Variants in MSR1 observed in about 807,000 individuals in gnomAD.
MSR1 encodes the protein macrophage scavenger receptor 1, also known as macrophage scavenger receptor types I and II.
MSR1 carries 53 observed loss-of-function variants against 47.2 expected under a neutral mutation model. The ratio of observed to expected loss-of-function variants is 1.12; its 90% CI spans 0.90 to 1.41. MSR1 has a LOEUF of 1.41. MSR1 is among the 40% of genes most tolerant of loss of function. The pLI, the probability that MSR1 is intolerant of heterozygous loss-of-function variation, is 0.00. For missense variants in MSR1, 786 were observed against 546.9 expected, an observed-to-expected ratio of 1.44 and a Z score of -4.36; for synonymous variants, 239 against 185.6, an observed-to-expected ratio of 1.29 and a Z score of -2.34.
chr8:16,145,401 T>C lies in MSR1; in HGVS notation c.980-1790A>G, dbSNP rs574515508. Among the ~76,000 whole-genome samples, 16 of 152,206 alleles carry C rather than the reference T, an allele frequency of 1.1e-4. 1 individual carries two copies. In the South Asian group the frequency reaches 3.1e-3, roughly 30 times the overall value. On this transcript the variant is annotated intron_variant, in intron 7 of 9. Coordinates refer to ENST00000262101, the MANE Select transcript of MSR1 (RefSeq NM_138715.3). ...GGGAAGGGAGGAGTTAAAACAAAGT[T>C]CTAACTCTTTTCATAAAAGAGAACA...
At chr8:16,146,942 G>A (rs1177914792) in intron 7 of MSR1, among the ~76,000 whole-genome samples, 1 of 152,072 alleles carries the variant, frequency 6.6e-6, no homozygotes, top group Non-Finnish European at 1.5e-5. Context: ...TTCAGTAAAC[G>A]TGTTGAATTA....
intron 1 of MSR1, among the ~76,000 whole-genome samples, chr8:16,190,723 C>CTTTTTTTTTTTTTTTTTTTTTTTT (rs772816603): frequency 6.9e-6 from 1 of 145,306 alleles, no homozygotes. Context: ...TTTTTTCTTT[C>CTTTTTTTTTTTTTTTTTTTTTTTT]TTTCTTTTTG....
intron 8 of MSR1, among the ~76,000 whole-genome samples, chr8:16,137,219 G>A (rs185078420): frequency 6.6e-6 from 1 of 152,230 alleles, no homozygotes; most frequent in Non-Finnish European, 1.5e-5. Flanking sequence ...ATTCTAGGAA[G>A]ACTATGTTTC....
intron 3 of MSR1, among the ~76,000 whole-genome samples, chr8:16,170,048 T>A (rs929849620): frequency 1.3e-5 from 2 of 152,020 alleles, no homozygotes; most frequent in Non-Finnish European, 2.9e-5. Flanking sequence ...GCTTAAACAT[T>A]AACTTTTTAT....
At position 16,119,671 on chromosome 8, in the gene MSR1, G is replaced by A. The variant is rs532937912; in HGVS notation, c.1222+747C>T. 2.0e-5 allele frequency among the ~76,000 whole-genome samples: 3 copies of A among 151,910 alleles called. No homozygotes were observed. The East Asian group carries it at 5.9e-4, about 30-fold the overall frequency. On this transcript the variant is annotated intron_variant, in intron 9 of 9. Coordinates refer to ENST00000262101, the MANE Select transcript of MSR1 (RefSeq NM_138715.3). The stretch of plus-strand genomic sequence containing the variant: ...ATTAGCACTTGGTAATATCTTCTAG[G>A]CATTTGAGAAGTTCATCTTACCTTT...
At chr8:16,151,880 C>A (rs910398978) in intron 6 of MSR1, among the ~76,000 whole-genome samples, 5 of 152,118 alleles carry the variant, frequency 3.3e-5, no homozygotes, top group African/African-American at 1.2e-4. Context: ...CAAATACCAG[C>A]TTTGCCACTT....
chr8:16,120,561 T>A lies in MSR1; in HGVS notation c.1079A>T (p.Glu360Val). Reference protein sequence around the residue: ...VRLVGGSGPHEGRVEILHSGQ... With the variant: ...VRLVGGSGPHVGRVEILHSGQ... ...GCTGTGGAGTATCTCCACCCTCCCC[T>A]CGTGAGGGCCGCTCCCACCGACCAG... Residue 360 changes from glutamate to valine, a missense_variant, in exon 9 of 10, where the codon GAG (glutamate) becomes GTG (valine). Physicochemically the swap from Glu to Val is moderately radical, Grantham distance 121. Transcript: ENST00000262101. 1.9e-6 allele frequency: 3 copies of A among 1,592,408 alleles called. No individual in the cohort carries two copies. The highest frequency in any genetic ancestry group is 2.5e-6 in the Non-Finnish European group (3 of 1,176,732).
chr8:16,144,833 GA>G (rs1253136671), intron 7 of MSR1, among the ~76,000 whole-genome samples: 1 of 151,980 alleles, frequency 6.6e-6, no homozygotes, highest in Admixed American at 6.6e-5. Flanking sequence ...GAGAATGAGA[GA>G]AAAACTTTTT....
chr8:16,138,830 T>C (rs1171469358), intron 8 of MSR1, among the ~76,000 whole-genome samples: 1 of 152,176 alleles, frequency 6.6e-6, no homozygotes, highest in Non-Finnish European at 1.5e-5. Flanking sequence ...AAGTGGCTAA[T>C]TCTTCTCTCC....
intron 3 of MSR1, 45 bp downstream of exon 3, chr8:16,175,142 T>C (rs1349520143): frequency 6.7e-7 from 1 of 1,503,732 alleles, no homozygotes; most frequent in Admixed American, 1.7e-5. Context: ...CAATGAATAA[T>C]TCACGGGACG....
At chr8:16,182,555 T>C (rs1386089572) in intron 1 of MSR1, among the ~76,000 whole-genome samples, 1 of 141,418 alleles carries the variant, frequency 7.1e-6, no homozygotes, top group Non-Finnish European at 1.5e-5. Flanking sequence ...ATAAGCTATT[T>C]TAACTTTTTT....
At chr8:16,134,183 T>C (rs1235748746) in intron 8 of MSR1, among the ~76,000 whole-genome samples, 1 of 152,172 alleles carries the variant, frequency 6.6e-6, no homozygotes, top group Non-Finnish European at 1.5e-5. Flanking sequence ...ATAAATTTCA[T>C]GTGTGTTCTT....
At chr8:16,157,805 A>G (rs1272274780) in intron 5 of MSR1, among the ~76,000 whole-genome samples, 1 of 151,982 alleles carries the variant, frequency 6.6e-6, no homozygotes, top group Non-Finnish European at 1.5e-5. Flanking sequence ...CTATTGCTAG[A>G]GATTTTTAAT....
chr8:16,111,869 C>A (rs1799763505), intron 9 of MSR1, among the ~76,000 whole-genome samples: 1 of 152,164 alleles, frequency 6.6e-6, no homozygotes, highest in Admixed American at 6.5e-5. Flanking sequence ...CAAAGTCGCA[C>A]AGGATTCTCA....
chr8:16,117,099 G>A (rs1016146717), intron 9 of MSR1, among the ~76,000 whole-genome samples: 1 of 152,130 alleles, frequency 6.6e-6, no homozygotes, highest in African/African-American at 2.4e-5. Flanking sequence ...TGGCCTGTTA[G>A]AAACAAAGCT....
In MSR1 at chr8:16,177,888, G is replaced by A. The variant is rs746296271; in HGVS notation, c.101C>T (p.Pro34Leu). The change falls in exon 2 of 10, where the codon CCG (proline) becomes CTG (leucine). Residue 34 changes from proline (P) to leucine (L), a missense_variant and splice_region_variant. Coordinates refer to ENST00000262101, the MANE Select transcript of MSR1 (RefSeq NM_138715.3). ...GCAGCCCATCCCCCTCTACTTACTC[G>A]GAGGAAGCAAAGCTGTCATTGAGCG... ...DARSMTALLP[P>L]NPKNSPSLQE... 9 of 1,613,146 alleles carry A rather than the reference G, an allele frequency of 5.6e-6. No individual in the cohort carries two copies. The highest frequency in any genetic ancestry group is 4.5e-5 in the East Asian group (2 of 44,826).
At chr8:16,141,062 G>A (rs899627498) in intron 8 of MSR1, 3 of 1,611,870 alleles carry the variant, frequency 1.9e-6, no homozygotes, top group African/African-American at 2.7e-5. Context: ...CATATATAAA[G>A]GAGGAAATTA....
At chr8:16,158,211 T>A (rs73665232) in intron 5 of MSR1, among the ~76,000 whole-genome samples, 1,731 of 152,074 alleles carry the variant, frequency 0.011, 30 homozygotes, top group African/African-American at 0.04. Context: ...CCAATTACAG[T>A]TACAGGAATA....
chr8:16,123,589 T>TGC (rs1303279093), intron 8 of MSR1, among the ~76,000 whole-genome samples: 1 of 148,834 alleles, frequency 6.7e-6, no homozygotes, highest in Admixed American at 6.9e-5. Flanking sequence ...TGTATATGTG[T>TGC]GTGTGTGTGT....
Sources: gnomAD v4.1 joint callset for allele counts (sites outside exome capture counted in the v4.1 genomes callset) on GRCh38, gnomAD v4.1.1 for gene constraint, MANE v1.5 for transcripts, NCBI Gene and HGNC (gene_info 2026-07-23, HGNC 2026-07-21) for gene names.